Variants in RPS6KC1 observed in about 807,000 individuals in gnomAD.
The protein encoded by RPS6KC1 is inactive ribosomal protein S6 kinase delta-1.
A neutral mutation model predicts 103.8 loss-of-function variants in RPS6KC1; 54 were observed. The ratio of observed to expected loss-of-function variants is 0.52; its 90% CI spans 0.42 to 0.65. The LOEUF (loss-of-function observed/expected upper bound fraction) is 0.65, where lower values mean the gene tolerates loss of function less well. Among genes scored for constraint, RPS6KC1 ranks in the 30% least tolerant of loss-of-function variants. The pLI is 0.00. For missense variants in RPS6KC1, 1,151 were observed against 1,253.8 expected (o/e 0.92, Z 1.24); for synonymous variants, 439 against 438.7 (o/e 1.00, Z -0.01).
chr1:213,438,485 G>A, the RPS6KC1 span, among the ~76,000 whole-genome samples: 5 of 152,310 alleles, frequency 3.3e-5, no homozygotes, highest in Admixed American at 2.6e-4. Flanking sequence ...GATGGTTCAA[G>A]TCAGTTTCAG....
the RPS6KC1 span, among the ~76,000 whole-genome samples, chr1:213,597,032 T>C: frequency 6.6e-6 from 1 of 152,160 alleles, no homozygotes; most frequent in Non-Finnish European, 1.5e-5. Context: ...AAGCGACTGA[T>C]TCTGAGGCTA....
the RPS6KC1 span, among the ~76,000 whole-genome samples, chr1:213,720,325 C>A: frequency 1.3e-5 from 2 of 152,190 alleles, no homozygotes; most frequent in African/African-American, 2.4e-5. Flanking sequence ...AACAGAGGAT[C>A]GCCTGGAGGC....
chr1:213,532,741 G>T, the RPS6KC1 span, among the ~76,000 whole-genome samples: 1 of 152,216 alleles, frequency 6.6e-6, no homozygotes, highest in South Asian at 2.1e-4. Flanking sequence ...GGCCTTCAGA[G>T]GGGGATGTGC....
intron 3 of RPS6KC1, among the ~76,000 whole-genome samples, chr1:213,103,221 C>T (rs964241675): frequency 2.0e-5 from 3 of 151,572 alleles, no homozygotes; most frequent in East Asian, 3.9e-4. Flanking sequence ...GATAATGTTT[C>T]ATTGTAAGAC....
the RPS6KC1 span, among the ~76,000 whole-genome samples, chr1:213,658,799 G>A: frequency 3.9e-5 from 6 of 152,130 alleles, no homozygotes; most frequent in East Asian, 1.9e-4. Context: ...TGCCTGCTGA[G>A]GCTTTCTCAT....
chr1:213,123,360 G>A (rs531997280), intron 5 of RPS6KC1, among the ~76,000 whole-genome samples: 2 of 151,502 alleles, frequency 1.3e-5, no homozygotes, highest in South Asian at 4.2e-4. Context: ...TAAGATAGCA[G>A]TATTAGGGTT....
chr1:213,151,446 G>A (rs2088879490), intron 6 of RPS6KC1, among the ~76,000 whole-genome samples: 4 of 138,230 alleles, frequency 2.9e-5, no homozygotes, highest in Admixed American at 1.4e-4. Flanking sequence ...CTCACCTCCC[G>A]GATGGGGCGG....
At chr1:213,499,207 C>T in the RPS6KC1 span, among the ~76,000 whole-genome samples, 1 of 152,128 alleles carries the variant, frequency 6.6e-6, no homozygotes, top group South Asian at 2.1e-4. Flanking sequence ...GTAGAAAAAG[C>T]ATAAAACAAG....
the RPS6KC1 span, among the ~76,000 whole-genome samples, chr1:213,511,356 GCT>G: frequency 5.1e-3 from 771 of 152,272 alleles, 14 homozygotes; most frequent in East Asian, 0.057. Flanking sequence ...GCAAGCCGGG[GCT>G]GGCCATCCAG....
chr1:213,821,997 T>G, the RPS6KC1 span: 2 of 152,216 alleles, frequency 1.3e-5, no homozygotes, highest in African/African-American at 4.8e-5. Flanking sequence ...ATTGCCATCC[T>G]CCAAAATCAA....
At chr1:213,588,854 G>A in the RPS6KC1 span, among the ~76,000 whole-genome samples, 2 of 152,112 alleles carry the variant, frequency 1.3e-5, no homozygotes, top group Non-Finnish European at 2.9e-5. Flanking sequence ...CTCCACTAGC[G>A]CTCTCACTGG....
At chr1:213,384,089 A>G in the RPS6KC1 span, among the ~76,000 whole-genome samples, 3 of 152,224 alleles carry the variant, frequency 2.0e-5, no homozygotes, top group East Asian at 5.8e-4. Context: ...ATCCTGGCTA[A>G]CACGGTGAAA....
At chr1:213,109,248 T>G (rs1403109757) in intron 4 of RPS6KC1, among the ~76,000 whole-genome samples, 2 of 152,164 alleles carry the variant, frequency 1.3e-5, no homozygotes, top group African/African-American at 4.8e-5. Flanking sequence ...GCCATTCTCC[T>G]GCTTCAGCCT....
the RPS6KC1 span, among the ~76,000 whole-genome samples, chr1:213,391,316 TGGG>T: frequency 2.0e-5 from 3 of 152,100 alleles, no homozygotes; most frequent in African/African-American, 4.8e-5. Flanking sequence ...GCATGGCTCT[TGGG>T]GGAGGTTGAT....
At chr1:213,512,465 G>A in the RPS6KC1 span, among the ~76,000 whole-genome samples, 1 of 152,138 alleles carries the variant, frequency 6.6e-6, no homozygotes, top group Non-Finnish European at 1.5e-5. Flanking sequence ...AAGTCACACA[G>A]CTCTCCCAGC....
At chr1:213,287,929 G>C in the RPS6KC1 span, among the ~76,000 whole-genome samples, 3 of 151,458 alleles carry the variant, frequency 2.0e-5, no homozygotes, top group African/African-American at 7.2e-5. Flanking sequence ...AGTTCAAAAG[G>C]TGTGATATAA....
chr1:213,628,128 G>T, the RPS6KC1 span, among the ~76,000 whole-genome samples: 3 of 152,192 alleles, frequency 2.0e-5, no homozygotes, highest in East Asian at 5.8e-4. Flanking sequence ...AGAGGTTCAA[G>T]TTCTTCCTGG....
At chr1:213,554,144 T>G in the RPS6KC1 span, among the ~76,000 whole-genome samples, 1 of 152,212 alleles carries the variant, frequency 6.6e-6, no homozygotes, top group South Asian at 2.1e-4. Context: ...CTTCTAGGGT[T>G]TTTATAGTTT....
At chr1:213,203,465 T>C (rs1029704969) in intron 8 of RPS6KC1, among the ~76,000 whole-genome samples, 1 of 152,140 alleles carries the variant, frequency 6.6e-6, no homozygotes, top group African/African-American at 2.4e-5. Context: ...ATAGGATATA[T>C]TTTTAAAATT....
Sources: gnomAD v4.1 joint callset for allele counts (sites outside exome capture counted in the v4.1 genomes callset) on GRCh38, gnomAD v4.1.1 for gene constraint, MANE v1.5 for transcripts, NCBI Gene and HGNC (gene_info 2026-07-23, HGNC 2026-07-21) for gene names.